Variants in KIF27 observed in about 807,000 individuals in gnomAD.
The protein encoded by KIF27 is kinesin family member 27.
KIF27 carries 84 observed loss-of-function variants against 141.8 expected under a neutral mutation model. That is an observed-to-expected ratio of 0.59 (90% CI 0.50 to 0.71). The LOEUF is 0.71. KIF27 is among the 30% of genes least tolerant of loss of function. The pLI is 0.00. For synonymous variants in KIF27, 471 were observed against 569.5 expected, an observed-to-expected ratio of 0.83 and a Z score of 2.46; for missense variants, 1,306 against 1,628.4, an observed-to-expected ratio of 0.80 and a Z score of 3.41.
chr9:83,867,633 G>A (rs368601976), intron 13 of KIF27, 51 bp downstream of exon 13: 121 of 1,521,202 alleles, frequency 8.0e-5, no homozygotes, highest in Non-Finnish European at 1.0e-4. Context: ...TCCTAGTGGG[G>A]AGTAGGGAGT....
chr9:83,839,359 A>C (rs1946299018), intron 17 of KIF27, among the ~76,000 whole-genome samples: 1 of 152,224 alleles, frequency 6.6e-6, no homozygotes, highest in Non-Finnish European at 1.5e-5. Context: ...TAATTTGCCC[A>C]AGGTCAAACA....
intron 15 of KIF27, among the ~76,000 whole-genome samples, chr9:83,850,954 C>T (rs1441697501): frequency 7.0e-6 from 1 of 143,460 alleles, no homozygotes; most frequent in Non-Finnish European, 1.5e-5. Context: ...TCTCCTGCCT[C>T]AGCCTCCCAA....
Position 83,850,309 on chromosome 9 carries a change from A to G in KIF27, c.3358-12T>C, listed in dbSNP as rs779473905. The stretch of plus-strand genomic sequence containing the variant: ...CGCAAATTCACCACCTAACAAATAC[A>G]TATTTTGACCTGTTAAGTGTGTCTT... On this transcript the variant is annotated splice_polypyrimidine_tract_variant and intron_variant, in intron 15 of 17. Coordinates refer to ENST00000297814, the MANE Select transcript of KIF27 (RefSeq NM_017576.4). 5.7e-6 allele frequency: 9 copies of G among 1,584,664 alleles called. No homozygotes were observed. Among genetic ancestry groups the G allele is most frequent in the Admixed American group, 1.7e-5 (1 of 59,870 alleles).
chr9:83,920,112 T>G (rs1193058104), intron 1 of KIF27, among the ~76,000 whole-genome samples: 2 of 152,020 alleles, frequency 1.3e-5, no homozygotes, highest in Non-Finnish European at 2.9e-5. Flanking sequence ...GCACCTGTAG[T>G]CCCAGCTACT....
chr9:83,835,663 ATGATCAAATCC>A lies in KIF27; in HGVS notation c.*1327_*1337del, dbSNP rs1167510393. 6.6e-6 allele frequency: 1 copy of A among 152,148 alleles called. No individual in the cohort carries two copies. Among genetic ancestry groups the A allele is most frequent in the Non-Finnish European group, 1.5e-5 (1 of 68,030 alleles). 9.4% of individuals were successfully genotyped at this position (152,148 alleles called of 1,614,324 possible). A position where few individuals can be genotyped will look rare whatever the true frequency, so the allele number is the denominator to read the frequency against. On this transcript the variant is annotated 3_prime_UTR_variant, in exon 18 of 18. Coordinates refer to ENST00000297814, the MANE Select transcript of KIF27 (RefSeq NM_017576.4). Reference sequence around the variant, plus strand: ...GGTGACAGTTTGGGTCCTATGTGAGATGATCAAATCCACAGCAACAGAGGAAAGGACAAAAG... The same window carrying A: ...GGTGACAGTTTGGGTCCTATGTGAGAACAGCAACAGAGGAAAGGACAAAAG...
Position 83,888,470 on chromosome 9 carries a change from T to C in KIF27, c.2083+19A>G, listed in dbSNP as rs1423613351. Reference sequence around the variant, plus strand: ...TCCTATAACCATTAGGTCTACATTATTTAAGAAGATCTATGTACCTTCATT... The same window carrying C: ...TCCTATAACCATTAGGTCTACATTACTTAAGAAGATCTATGTACCTTCATT... On this transcript the variant is annotated intron_variant, in intron 8 of 17. Transcript: ENST00000297814. 3.2e-6 allele frequency: 4 copies of C among 1,238,518 alleles called. No homozygotes were observed. Among genetic ancestry groups the C allele is most frequent in the Non-Finnish European group, 4.6e-6 (4 of 865,632 alleles). 76.7% of individuals were successfully genotyped at this position (1,238,518 alleles called of 1,614,324 possible).
chr9:83,899,412 T>C (rs1262549568), intron 5 of KIF27, among the ~76,000 whole-genome samples: 1 of 152,224 alleles, frequency 6.6e-6, no homozygotes, highest in Non-Finnish European at 1.5e-5. Context: ...ATAACCATGA[T>C]ATGATTTATA....
At chr9:83,904,219 A>C (rs891659019) in intron 3 of KIF27, among the ~76,000 whole-genome samples, 2 of 152,202 alleles carry the variant, frequency 1.3e-5, no homozygotes, top group African/African-American at 2.4e-5. Context: ...AACAGACAGC[A>C]CTTATTTTGA....
rs1280512260 is a variant in KIF27, at chr9:83,903,817, C to T, written c.701G>A (p.Arg234Gln). ...AAAGTGGAACTTTGAGACAATATGCCGAGGGGAATACCATGATCCATCTTC... is the reference window on the plus strand; with the variant it reads ...AAAGTGGAACTTTGAGACAATATGCTGAGGGGAATACCATGATCCATCTTC... ...AAEDGSWYSP[R>Q]HIVSKFHFVD... Residue 234 changes from arginine to glutamine, a missense_variant, in exon 4 of 18, where the codon CGG becomes CAG. Coordinates refer to ENST00000297814, the MANE Select transcript of KIF27 (RefSeq NM_017576.4). 6.2e-6 allele frequency: 10 copies of T among 1,614,086 alleles called. No homozygotes were observed. The highest frequency in any genetic ancestry group is 1.3e-5 in the African/African-American group (1 of 75,030).
chr9:83,885,033 G>A (rs1240316790), intron 9 of KIF27, among the ~76,000 whole-genome samples: 3 of 152,116 alleles, frequency 2.0e-5, no homozygotes, highest in Admixed American at 6.5e-5. Context: ...TGGCAAACTC[G>A]TGGCAGTAGA....
At chr9:83,914,027 AAT>A (rs1039175816) in intron 2 of KIF27, among the ~76,000 whole-genome samples, 3 of 152,080 alleles carry the variant, frequency 2.0e-5, no homozygotes, top group Admixed American at 6.5e-5. Flanking sequence ...GAGCAATTAA[AAT>A]ATGTTAGGAC....
rs537144904 is a variant in KIF27 at position 83,919,596 on chromosome 9, GA to G, written c.-88+1774del. Among the ~76,000 whole-genome samples the G allele has an allele frequency of 7.0e-4, 100 of 142,368 alleles. 3 individuals are homozygous for G. Among genetic ancestry groups the G allele is most frequent in the African/African-American group, 2.6e-4 (10 of 39,048 alleles). 93.4% of individuals were successfully genotyped at this position (142,368 alleles called of 152,430 possible). A position where few individuals can be genotyped will look rare whatever the true frequency, so the allele number is the denominator to read the frequency against. On this transcript the variant is annotated intron_variant, in intron 1 of 17. Transcript: ENST00000297814. ...TGAATTGATAATATTCACTACCCTTGAAAAAAAAAAAACCATGGCCCAGCAC... is the reference window on the plus strand; with the variant it reads ...TGAATTGATAATATTCACTACCCTTGAAAAAAAAAAACCATGGCCCAGCAC...
Position 83,887,056 on chromosome 9 carries a change from C to T in KIF27, c.2224G>A (p.Glu742Lys). The T allele has an allele frequency of 6.3e-7, 1 of 1,581,256 alleles. No individual in the cohort carries two copies. The highest frequency in any genetic ancestry group is 2.3e-5 in the East Asian group (1 of 44,128). Residue 742 changes from glutamate to lysine, a missense_variant, in exon 9 of 18, where the codon GAA becomes AAA. Transcript: ENST00000297814. ...ATACTATTACCTGTTTTTATTAATT[C>T]TTTAATCAGATCTTCCTTCATCTTG... ...NIKMKEDLIK[E>K]LIKTGNDAKS... is the part of the protein sequence containing the mutation.
Position 83,903,758 on chromosome 9 carries a change from T to C in KIF27, c.760A>G (p.Thr254Ala). 6.2e-7 allele frequency: 1 copy of C among 1,614,188 alleles called. No individual in the cohort carries two copies. Among genetic ancestry groups the C allele is most frequent in the Non-Finnish European group, 8.5e-7 (1 of 1,180,016 alleles). Residue 254 changes from threonine (T) to alanine (A), a missense_variant, in exon 4 of 18, where the codon ACG becomes GCG. Physicochemically the swap from Thr to Ala is moderately conservative, Grantham distance 58. Coordinates refer to ENST00000297814, the MANE Select transcript of KIF27 (RefSeq NM_017576.4). ...DLAGSERVTK[T>A]GNTGERFKES... is the part of the protein sequence containing the mutation. ...TTGAACCGTTCACCAGTATTCCCCG[T>C]TTTGGTTACTCTTTCTGATCCTGCC...
chr9:83,888,557 G>C lies in KIF27; in HGVS notation c.2015C>G (p.Ser672Cys), dbSNP rs139819631. The change falls in exon 8 of 18, where the codon TCT becomes TGT. Residue 672 changes from serine (S) to cysteine (C), a missense_variant. By Grantham distance (112) the Ser-to-Cys change is moderately radical. This residue lies in a region of KIF27 where 596 missense variants were observed against 751.6 expected (regional missense o/e 0.79). Coordinates refer to ENST00000297814, the MANE Select transcript of KIF27 (RefSeq NM_017576.4). ...ACTCAATTCAACAAGGGAACAAACA[G>C]AGTCTGGCTTCTGAATCCATGAACG... ...RSRSWIQKPD[S>C]VCSLVELSDT... 4 of 1,598,604 alleles carry C rather than the reference G, an allele frequency of 2.5e-6. No individual in the cohort carries two copies. Among genetic ancestry groups the C allele is most frequent in the Non-Finnish European group, 3.4e-6 (4 of 1,171,792 alleles).
At chr9:83,880,143 G>A in intron 11 of KIF27, 154 bp downstream of exon 11, 1 of 1,142,922 alleles carries the variant, frequency 8.7e-7, no homozygotes. Context: ...TTACTACGTA[G>A]ATGAACAAAG....
chr9:83,867,374 A>AGATC (rs1377688385), intron 13 of KIF27, among the ~76,000 whole-genome samples: 2 of 145,914 alleles, frequency 1.4e-5, no homozygotes, highest in African/African-American at 5.2e-5. Context: ...ATACAGAGAT[A>AGATC]GATCTATCTA....
intron 13 of KIF27, among the ~76,000 whole-genome samples, chr9:83,862,913 A>G (rs1317279209): frequency 2.0e-5 from 3 of 152,066 alleles, no homozygotes; most frequent in Non-Finnish European, 4.4e-5. Flanking sequence ...TTGGATTCCT[A>G]GGTATTTTAT....
chr9:83,910,095 T>G (rs10868069), intron 2 of KIF27, among the ~76,000 whole-genome samples: 25,142 of 151,366 alleles, frequency 0.17, 2,320 homozygotes, highest in African/African-American at 0.23. Flanking sequence ...ACGTACGTAC[T>G]TACATACATA....
Sources: gnomAD v4.1 joint callset for allele counts (sites outside exome capture counted in the v4.1 genomes callset) on GRCh38, gnomAD v4.1.1 for gene constraint, gnomAD v4.1.1 regional missense constraint, MANE v1.5 for transcripts, NCBI Gene and HGNC (gene_info 2026-07-23, HGNC 2026-07-21) for gene names.